Variants in PCDH9 observed in about 807,000 individuals in gnomAD.
PCDH9 encodes protocadherin-9.
A neutral mutation model predicts 70.6 loss-of-function variants in PCDH9; 24 were observed. The observed-to-expected ratio is 0.34, with a 90% CI of 0.25 to 0.48. The LOEUF is 0.48. PCDH9 is among the 20% of genes least tolerant of loss of function. PCDH9 has a pLI of 0.99. For missense variants in PCDH9, 1,281 were observed against 1,503.6 expected (o/e 0.85, Z 2.45); for synonymous variants, 562 against 558.5 (o/e 1.01, Z -0.09).
At position 66,887,034 on chromosome 13, in the gene PCDH9, A is replaced by AACAC. The variant is rs9317623; in HGVS notation, c.3138+16466_3138+16469dup. ...TAATTCACCCACCAACAAATATAAT[A>AACAC]ACACACACACACACACACACACACA... On this transcript the variant is annotated intron_variant, in intron 3 of 4. Coordinates refer to ENST00000377865, the MANE Select transcript of PCDH9 (RefSeq NM_203487.3). Among the ~76,000 whole-genome samples, 366 of 143,968 alleles carry AACAC rather than the reference A, an allele frequency of 2.5e-3. 1 individual carries two copies. The highest frequency in any genetic ancestry group is 7.5e-3 in the South Asian group (33 of 4,408). 94.4% of individuals were successfully genotyped at this position (143,968 alleles called of 152,430 possible). A position where few individuals can be genotyped will look rare whatever the true frequency, so the allele number is the denominator to read the frequency against.
chr13:66,689,815 G>A (rs1409407173), intron 3 of PCDH9, among the ~76,000 whole-genome samples: 1 of 152,164 alleles, frequency 6.6e-6, no homozygotes, highest in Non-Finnish European at 1.5e-5. Context: ...CTGGTCTGCA[G>A]ATGGAGCTGT....
At chr13:66,611,304 A>G (rs971460330) in intron 4 of PCDH9, among the ~76,000 whole-genome samples, 1 of 152,232 alleles carries the variant, frequency 6.6e-6, no homozygotes, top group African/African-American at 2.4e-5. Flanking sequence ...CAGTCAAATT[A>G]TGACTAATTA....
At chr13:66,929,035 A>C (rs2082761708) in intron 2 of PCDH9, among the ~76,000 whole-genome samples, 1 of 152,164 alleles carries the variant, frequency 6.6e-6, no homozygotes, top group African/African-American at 2.4e-5. Flanking sequence ...CATATGTTAC[A>C]GGAAAAAAAT....
intron 2 of PCDH9, among the ~76,000 whole-genome samples, chr13:67,045,245 G>A (rs2085200364): frequency 6.6e-6 from 1 of 152,080 alleles, no homozygotes; most frequent in African/African-American, 2.4e-5. Flanking sequence ...TTGAGTATTT[G>A]AGCCATTCTG....
At chr13:66,888,481 C>A (rs2082044305) in intron 3 of PCDH9, among the ~76,000 whole-genome samples, 2 of 150,980 alleles carry the variant, frequency 1.3e-5, no homozygotes, top group South Asian at 2.1e-4. Context: ...GCACTCCAGC[C>A]TGGGTGACAG....
At chr13:66,397,478 GTA>G (rs142645344) in intron 4 of PCDH9, among the ~76,000 whole-genome samples, 28 of 147,794 alleles carry the variant, frequency 1.9e-4, no homozygotes, top group African/African-American at 6.7e-4. Flanking sequence ...GTGTGTGTGT[GTA>G]TATATATATA....
chr13:66,482,976 C>A (rs1014246005), intron 4 of PCDH9, among the ~76,000 whole-genome samples: 35 of 152,310 alleles, frequency 2.3e-4, no homozygotes, highest in African/African-American at 7.7e-4. Context: ...CTCACTTCCT[C>A]CTGCACATAC....
intron 4 of PCDH9, among the ~76,000 whole-genome samples, chr13:66,446,325 T>C (rs1958089962): frequency 6.6e-6 from 1 of 151,944 alleles, no homozygotes; most frequent in South Asian, 2.1e-4. Context: ...CTCAGAAATG[T>C]TTAAAAAAAA....
chr13:66,600,293 T>C (rs2077150243), intron 4 of PCDH9, among the ~76,000 whole-genome samples: 1 of 151,882 alleles, frequency 6.6e-6, no homozygotes, highest in African/African-American at 2.4e-5. Flanking sequence ...GCAGAATTCA[T>C]TGTAAGACAA....
intron 4 of PCDH9, among the ~76,000 whole-genome samples, chr13:66,356,643 C>T (rs1956388154): frequency 6.6e-6 from 1 of 151,926 alleles, no homozygotes; most frequent in Admixed American, 6.6e-5. Flanking sequence ...AGTGCAAAAA[C>T]AAAGATGATA....
chr13:66,845,826 A>G (rs1240250125), intron 3 of PCDH9, among the ~76,000 whole-genome samples: 2 of 152,246 alleles, frequency 1.3e-5, no homozygotes, highest in Non-Finnish European at 2.9e-5. Flanking sequence ...TGTCCCTCAT[A>G]GTTAAATGTA....
rs183598029 is a variant in PCDH9, at chr13:67,060,562, T to C, written c.3037-156957A>G. ...ACTTTGTTTTTTTAAATGACTCTTTTATTAATCCCCTCATTTCCATTCTCA... is the reference window on the plus strand; with the variant it reads ...ACTTTGTTTTTTTAAATGACTCTTTCATTAATCCCCTCATTTCCATTCTCA... On this transcript the variant is annotated intron_variant, in intron 2 of 4. Transcript: ENST00000377865. Among the ~76,000 whole-genome samples the C allele has an allele frequency of 5.9e-5, 9 of 152,258 alleles. No homozygotes were observed. In the East Asian group the frequency reaches 1.7e-3, roughly 29 times the overall value.
intron 2 of PCDH9, among the ~76,000 whole-genome samples, chr13:67,006,192 A>G (rs1394364322): frequency 6.6e-6 from 1 of 152,168 alleles, no homozygotes. Flanking sequence ...GTGCCACTGC[A>G]CTCCAGCCTG....
intron 3 of PCDH9, among the ~76,000 whole-genome samples, chr13:66,892,571 A>AT (rs1024666781): frequency 2.0e-5 from 3 of 151,910 alleles, no homozygotes; most frequent in Non-Finnish European, 4.4e-5. Context: ...TGTTTATCTT[A>AT]TTTTTTAAAT....
intron 3 of PCDH9, among the ~76,000 whole-genome samples, chr13:66,867,503 AAGATAAAGC>A (rs2081597796): frequency 6.6e-6 from 1 of 152,170 alleles, no homozygotes; most frequent in Non-Finnish European, 1.5e-5. Context: ...TCAAATGCAA[AAGATAAAGC>A]AGAGGTATGT....
At chr13:66,603,340 T>G (rs2077185008) in intron 4 of PCDH9, among the ~76,000 whole-genome samples, 1 of 152,066 alleles carries the variant, frequency 6.6e-6, no homozygotes. Flanking sequence ...TTAACATTTT[T>G]ATTTAAAATT....
intron 4 of PCDH9, among the ~76,000 whole-genome samples, chr13:66,355,672 T>G (rs1196401353): frequency 2.0e-5 from 3 of 152,110 alleles, no homozygotes; most frequent in African/African-American, 7.2e-5. Flanking sequence ...ATACATTAAA[T>G]AAGGCATCTT....
chr13:66,395,619 TAAATA>T (rs377342653), intron 4 of PCDH9, among the ~76,000 whole-genome samples: 24 of 151,396 alleles, frequency 1.6e-4, no homozygotes, highest in African/African-American at 5.1e-4. Context: ...AATAAATAAA[TAAATA>T]AAATAAAATA....
At chr13:66,846,369 C>A (rs941092734) in intron 3 of PCDH9, among the ~76,000 whole-genome samples, 9 of 152,150 alleles carry the variant, frequency 5.9e-5, no homozygotes, top group African/African-American at 2.2e-4. Context: ...AAGCAGATTT[C>A]AATCTCGCTG....
Sources: allele counts gnomAD v4.1 joint callset (sites outside exome capture counted in the v4.1 genomes callset), GRCh38; gene constraint gnomAD v4.1.1; transcripts MANE v1.5; gene names NCBI Gene and HGNC (gene_info 2026-07-23, HGNC 2026-07-21).